PTPN1: variants seen among roughly 807,000 people sequenced by gnomAD.
PTPN1 encodes tyrosine-protein phosphatase non-receptor type 1.
A neutral mutation model predicts 59.9 loss-of-function variants in PTPN1; 12 were observed. That is an observed-to-expected ratio of 0.20 (90% CI 0.13 to 0.32). The LOEUF (loss-of-function observed/expected upper bound fraction) is 0.32. Ranked by LOEUF, PTPN1 falls within the 10% of genes least tolerant of loss-of-function variation. The pLI is 1.00. For synonymous variants in PTPN1, 178 were observed against 203.6 expected, an observed-to-expected ratio of 0.87 and a Z score of 1.07; for missense variants, 356 against 549.2, an observed-to-expected ratio of 0.65 and a Z score of 3.52.
chr20:50,527,439 C>T (rs2122731931), intron 1 of PTPN1, among the ~76,000 whole-genome samples: 1 of 152,174 alleles, frequency 6.6e-6, no homozygotes, highest in East Asian at 1.9e-4. Flanking sequence ...TGCCTCCCGG[C>T]TTCAGGCGAT....
At position 50,567,765 on chromosome 20, in the gene PTPN1, G is replaced by A. The variant is rs114457307; in HGVS notation, c.256-615G>A. Among the ~76,000 whole-genome samples, 890 of 152,312 alleles carry A rather than the reference G, an allele frequency of 5.8e-3. 3 individuals are homozygous for A. Among genetic ancestry groups the A allele is most frequent in the African/African-American group, 0.02 (846 of 41,566 alleles). ...GTTGGGCCAAGGATGGAGGCTGTCT[G>A]CCGTCAGGGTCCTCATTGCTGATGG... On this transcript the variant is annotated intron_variant, in intron 3 of 9. Coordinates refer to ENST00000371621, the MANE Select transcript of PTPN1 (RefSeq NM_002827.4).
rs1021673889 is a variant in PTPN1, at chr20:50,564,897, G to A, written c.155-72G>A. 4.3e-5 allele frequency: 68 copies of A among 1,588,166 alleles called. No individual in the cohort carries two copies. The African/African-American group carries it at 7.2e-4, about 17-fold the overall frequency. ...GCCACCAACTCACCTTTGCTTTTCTGTAGGGTGTGCACCTGTATGTACACA... is the reference window on the plus strand; with the variant it reads ...GCCACCAACTCACCTTTGCTTTTCTATAGGGTGTGCACCTGTATGTACACA... On this transcript the variant is annotated intron_variant, in intron 2 of 9. Transcript: ENST00000371621.
At position 50,510,420 on chromosome 20, in the gene PTPN1, A is replaced by G. The variant is rs1176451013; in HGVS notation, c.-108A>G. 16 of 1,235,894 alleles carry G rather than the reference A, an allele frequency of 1.3e-5. No homozygotes were observed. Among genetic ancestry groups the G allele is most frequent in the East Asian group, 2.9e-5 (1 of 34,536 alleles). 76.6% of individuals were successfully genotyped at this position (1,235,894 alleles called of 1,614,324 possible). Reference sequence around the variant, plus strand: ...CAGCGGCTAGGGCGGCGGTAGCTGCAGGGGTCGGGGATTGCAGCGGGCCTC... The same window carrying G: ...CAGCGGCTAGGGCGGCGGTAGCTGCGGGGGTCGGGGATTGCAGCGGGCCTC... On this transcript the variant is annotated 5_prime_UTR_variant, in exon 1 of 10. Transcript: ENST00000371621.
At chr20:50,520,138 G>T (rs1337006345) in intron 1 of PTPN1, among the ~76,000 whole-genome samples, 1 of 152,110 alleles carries the variant, frequency 6.6e-6, no homozygotes, top group Non-Finnish European at 1.5e-5. Context: ...TTGGGAGGCC[G>T]AGGTGGGTGG....
chr20:50,516,111 C>T (rs1157889214), intron 1 of PTPN1, among the ~76,000 whole-genome samples: 1 of 152,204 alleles, frequency 6.6e-6, no homozygotes. Flanking sequence ...TCCCTCCTGA[C>T]TGGTTCTCAC....
Position 50,584,348 on chromosome 20 carries a change from G to A in PTPN1, c.*1633G>A, listed in dbSNP as rs1410847588. 5 of 152,584 alleles carry A rather than the reference G, an allele frequency of 3.3e-5. No individual in the cohort carries two copies. The highest frequency in any genetic ancestry group is 6.5e-5 in the Admixed American group (1 of 15,282). The allele number at this position is 152,584 out of a possible 1,614,324, so 9.5% of individuals were successfully genotyped here. On this transcript the variant is annotated 3_prime_UTR_variant, in exon 10 of 10. Transcript: ENST00000371621. ...TTTTTAAGTCCTGTATATGTATGTA[G>A]TAGTTTGGGTGTGTATATATAGTAG...
intron 1 of PTPN1, among the ~76,000 whole-genome samples, chr20:50,525,358 G>T (rs1253533230): frequency 1.3e-5 from 2 of 152,250 alleles, no homozygotes; most frequent in East Asian, 3.8e-4. Flanking sequence ...ACCGCACCTG[G>T]CCTGGTTACT....
intron 1 of PTPN1, among the ~76,000 whole-genome samples, chr20:50,534,448 T>G (rs1324937768): frequency 1.3e-5 from 2 of 152,218 alleles, no homozygotes; most frequent in African/African-American, 2.4e-5. Flanking sequence ...TGTTTTCTAA[T>G]GTATTCTGTA....
intron 1 of PTPN1, among the ~76,000 whole-genome samples, chr20:50,513,801 C>T (rs951839735): frequency 6.6e-6 from 1 of 151,726 alleles, no homozygotes; most frequent in African/African-American, 2.4e-5. Flanking sequence ...TAAAATTTGC[C>T]AATAATGTTT....
At chr20:50,522,028 A>G (rs2082553776) in intron 1 of PTPN1, among the ~76,000 whole-genome samples, 1 of 152,158 alleles carries the variant, frequency 6.6e-6, no homozygotes, top group African/African-American at 2.4e-5. Context: ...TTGGCCTTGT[A>G]GGTATTTGGT....
intron 2 of PTPN1, among the ~76,000 whole-genome samples, chr20:50,563,370 G>A (rs756631992): frequency 2.0e-5 from 3 of 152,112 alleles, no homozygotes; most frequent in Non-Finnish European, 4.4e-5. Context: ...CTTGCTGAAC[G>A]AGGGGCTCTG....
At chr20:50,525,252 T>C (rs2082569546) in intron 1 of PTPN1, among the ~76,000 whole-genome samples, 1 of 151,984 alleles carries the variant, frequency 6.6e-6, no homozygotes, top group African/African-American at 2.4e-5. Context: ...ATAGAGACAA[T>C]GTTTCACCAT....
intron 1 of PTPN1, among the ~76,000 whole-genome samples, chr20:50,546,496 G>A (rs1194759617): frequency 6.6e-6 from 1 of 152,186 alleles, no homozygotes; most frequent in African/African-American, 2.4e-5. Context: ...TTACCCCTCA[G>A]ATGGTATGTA....
chr20:50,519,433 T>C (rs574238256), intron 1 of PTPN1, among the ~76,000 whole-genome samples: 1 of 152,358 alleles, frequency 6.6e-6, no homozygotes, highest in East Asian at 1.9e-4. Flanking sequence ...GGTAACAAAC[T>C]TTTGGTTTCC....
chr20:50,517,998 A>G (rs13045492), intron 1 of PTPN1, among the ~76,000 whole-genome samples: 1 of 152,204 alleles, frequency 6.6e-6, no homozygotes, highest in African/African-American at 2.4e-5. Flanking sequence ...TAAGATGAGC[A>G]TAGCAAAACT....
chr20:50,583,072 C>T lies in PTPN1; in HGVS notation c.*357C>T, dbSNP rs543779641. On this transcript the variant is annotated 3_prime_UTR_variant, in exon 10 of 10. Coordinates refer to ENST00000371621, the MANE Select transcript of PTPN1 (RefSeq NM_002827.4). The stretch of plus-strand genomic sequence containing the variant: ...CCCAGGCGGGCGGCACGCCAACAGC[C>T]CCCCCCTTGAATCTGCAGGGAGCAA... The T allele has an allele frequency of 2.3e-5, 7 of 306,412 alleles. No homozygotes were observed. Among genetic ancestry groups the T allele is most frequent in the South Asian group, 1.9e-4 (2 of 10,322 alleles). 19.0% of individuals were successfully genotyped at this position (306,412 alleles called of 1,614,324 possible). A position where few individuals can be genotyped will look rare whatever the true frequency, so the allele number is the denominator to read the frequency against.
chr20:50,560,784 T>G (rs890859653), intron 1 of PTPN1, among the ~76,000 whole-genome samples: 5 of 152,098 alleles, frequency 3.3e-5, no homozygotes, highest in Non-Finnish European at 7.4e-5. Context: ...AATAAAAGAT[T>G]GTTTAATGTG....
chr20:50,553,637 ATAAG>A (rs2082713220), intron 1 of PTPN1, among the ~76,000 whole-genome samples: 1 of 152,230 alleles, frequency 6.6e-6, no homozygotes, highest in Non-Finnish European at 1.5e-5. Flanking sequence ...AGTAATAATA[ATAAG>A]TAAACAATGT....
chr20:50,578,172 A>G (rs756314773), intron 5 of PTPN1: 13 of 487,562 alleles, frequency 2.7e-5, no homozygotes, highest in Non-Finnish European at 4.5e-5. Flanking sequence ...AAAAGAGGTG[A>G]GGGGACTCTT....
Sources: allele counts gnomAD v4.1 joint callset (sites outside exome capture counted in the v4.1 genomes callset), GRCh38; gene constraint gnomAD v4.1.1; transcripts MANE v1.5; gene names NCBI Gene and HGNC (gene_info 2026-07-23, HGNC 2026-07-21).